Variants in PSMB9 observed in about 807,000 individuals in gnomAD.
PSMB9 encodes proteasome 20S subunit beta 9, also known as proteasome subunit beta type-9.
PSMB9 carries 16 observed loss-of-function variants against 26.9 expected under a neutral mutation model. That is an observed-to-expected ratio of 0.59 (90% confidence interval 0.40 to 0.90). The LOEUF (loss-of-function observed/expected upper bound fraction) is 0.90, where lower values mean the gene tolerates loss of function less well. Among genes scored for constraint, PSMB9 ranks in the 40% least tolerant of loss-of-function variants. The probability of loss-of-function intolerance (pLI) is 0.00; values close to 1 mark genes in which losing one functional copy is unlikely to be tolerated. For synonymous variants in PSMB9, 91 were observed against 112.0 expected, an observed-to-expected ratio of 0.81 and a Z score of 1.18; for missense variants, 253 against 292.2, an observed-to-expected ratio of 0.87 and a Z score of 0.98.
intron 3 of PSMB9, 91 bp downstream of exon 3, chr6:32,857,485 C>T: frequency 7.1e-7 from 1 of 1,398,800 alleles, no homozygotes; most frequent in Non-Finnish European, 9.4e-7. Context: ...AGGAGCTGGA[C>T]ACTGGGAAAT....
At position 32,858,841 on chromosome 6, in the gene PSMB9, C is replaced by A; in HGVS notation, c.532+336C>A. 2.5e-6 allele frequency: 1 copy of A among 400,694 alleles called. No individual in the cohort carries two copies. The highest frequency in any genetic ancestry group is 4.6e-6 in the Non-Finnish European group (1 of 217,754). 24.8% of individuals were successfully genotyped at this position (400,694 alleles called of 1,614,324 possible). A position where few individuals can be genotyped will look rare whatever the true frequency, so the allele number is the denominator to read the frequency against. Reference sequence around the variant, plus strand: ...CTTGAGCCCAGGAGTTTGAGGCCAGCCTAGGCAAGATGGTGAAACCCTGTC... The same window carrying A: ...CTTGAGCCCAGGAGTTTGAGGCCAGACTAGGCAAGATGGTGAAACCCTGTC... On this transcript the variant is annotated intron_variant, in intron 5 of 5. Coordinates refer to ENST00000374859, the MANE Select transcript of PSMB9 (RefSeq NM_002800.5). The surrounding 1 kb of genome is among the most constrained non-coding windows in gnomAD (Gnocchi z 5.2).
chr6:32,858,868 C>T lies in PSMB9; in HGVS notation c.532+363C>T. 1 of 328,840 alleles carries T rather than the reference C, an allele frequency of 3.0e-6. No individual in the cohort carries two copies. 20.4% of individuals were successfully genotyped at this position (328,840 alleles called of 1,614,324 possible). On this transcript the variant is annotated intron_variant, in intron 5 of 5. Coordinates refer to ENST00000374859, the MANE Select transcript of PSMB9 (RefSeq NM_002800.5). This position sits in a 1 kb window ranked among gnomAD's most constrained non-coding sequence, Gnocchi z 5.2. ...TAGGCAAGATGGTGAAACCCTGTCTCCACAAAAAACAATAAAAAAAAGTAA... is the reference window on the plus strand; with the variant it reads ...TAGGCAAGATGGTGAAACCCTGTCTTCACAAAAAACAATAAAAAAAAGTAA...
At position 32,857,182 on chromosome 6, in the gene PSMB9, C is replaced by CA. The variant is rs1771194733; in HGVS notation, c.129-80dup. The stretch of plus-strand genomic sequence containing the variant: ...ATCCACTGCACTCCAGCCTGGGTGA[C>CA]AGAGTGAGACTGTCTCAAAAAAAAA... On this transcript the variant is annotated intron_variant, in intron 2 of 5. Transcript: ENST00000374859. The CA allele has an allele frequency of 5.6e-6, 8 of 1,429,104 alleles. No homozygotes were observed. The Admixed American group carries it at 9.9e-5, about 18-fold the overall frequency. The allele number at this position is 1,429,104 out of a possible 1,614,324, so 88.5% of individuals were successfully genotyped here.
At chr6:32,857,177 G>A in intron 2 of PSMB9, 86 bp from the exon 3 acceptor site, 1 of 1,447,292 alleles carries the variant, frequency 6.9e-7, no homozygotes, top group African/African-American at 1.5e-5. Context: ...CTCCAGCCTG[G>A]GTGACAGAGT....
chr6:32,857,610 T>G lies in PSMB9; in HGVS notation c.260+216T>G, dbSNP rs1454443746. On this transcript the variant is annotated intron_variant, in intron 3 of 5. Coordinates refer to ENST00000374859, the MANE Select transcript of PSMB9 (RefSeq NM_002800.5). ...GTTATTTTGAGAACCACATTCTATA[T>G]GTGAACACAGTTTAAAAGCTGTAAA... 5.4e-6 allele frequency: 3 copies of G among 554,208 alleles called. No homozygotes were observed. The East Asian group carries it at 8.9e-5, about 16-fold the overall frequency. The allele number at this position is 554,208 out of a possible 1,614,324, so 34.3% of individuals were successfully genotyped here. A position where few individuals can be genotyped will look rare whatever the true frequency, so the allele number is the denominator to read the frequency against.
At chr6:32,855,752 G>A (rs1266757454) in intron 1 of PSMB9, among the ~76,000 whole-genome samples, 2 of 151,830 alleles carry the variant, frequency 1.3e-5, no homozygotes, top group Non-Finnish European at 2.9e-5. Flanking sequence ...ACTCTGTGTT[G>A]GGTCTACACC....
At position 32,859,554 on chromosome 6, in the gene PSMB9, C is replaced by T; in HGVS notation, c.*22C>T. 1 of 1,610,628 alleles carries T rather than the reference C, an allele frequency of 6.2e-7. No individual in the cohort carries two copies. Among genetic ancestry groups the T allele is most frequent in the Non-Finnish European group, 8.5e-7 (1 of 1,178,500 alleles). ...GTGAACCTTCCCCAGACTTCTCTTTCTTATTTTGTAATAAACTCTCTAGGG... is the reference window on the plus strand; with the variant it reads ...GTGAACCTTCCCCAGACTTCTCTTTTTTATTTTGTAATAAACTCTCTAGGG... On this transcript the variant is annotated 3_prime_UTR_variant, in exon 6 of 6. Coordinates refer to ENST00000374859, the MANE Select transcript of PSMB9 (RefSeq NM_002800.5).
At position 32,858,900 on chromosome 6, in the gene PSMB9, A is replaced by G; in HGVS notation, c.532+395A>G. On this transcript the variant is annotated intron_variant, in intron 5 of 5. Transcript: ENST00000374859. The surrounding 1 kb of genome is among the most constrained non-coding windows in gnomAD (Gnocchi z 5.2). The stretch of plus-strand genomic sequence containing the variant: ...AAACAATAAAAAAAAGTAAAAAAAA[A>G]AATGAACTGGGCATAGTGGTGCACA... The G allele has an allele frequency of 3.1e-6, 1 of 326,618 alleles. No individual in the cohort carries two copies. Among genetic ancestry groups the G allele is most frequent in the South Asian group, 2.9e-5 (1 of 34,054 alleles). The allele number at this position is 326,618 out of a possible 1,614,324, so 20.2% of individuals were successfully genotyped here. A position where few individuals can be genotyped will look rare whatever the true frequency, so the allele number is the denominator to read the frequency against.
intron 2 of PSMB9, 188 bp from the exon 3 acceptor site, chr6:32,857,075 C>T: frequency 9.9e-6 from 5 of 506,256 alleles, no homozygotes; most frequent in Non-Finnish European, 1.6e-5. Flanking sequence ...TGGTGGGTGC[C>T]TGTAATCCCA....
At chr6:32,856,096 G>A (rs1160399151) in intron 1 of PSMB9, 42 bp from the exon 2 acceptor site, 2 of 1,559,090 alleles carry the variant, frequency 1.3e-6, no homozygotes, top group Non-Finnish European at 1.8e-6. Flanking sequence ...AGGGCATCAA[G>A]GCTGTTCTTG....
At chr6:32,857,162 C>T (rs1241661954) in intron 2 of PSMB9, 101 bp from the exon 3 acceptor site, 5 of 1,367,022 alleles carry the variant, frequency 3.7e-6, no homozygotes, top group East Asian at 2.5e-5. Context: ...GATTGATCCA[C>T]TGCACTCCAG....
At position 32,858,463 on chromosome 6, in the gene PSMB9, C is replaced by T; in HGVS notation, c.490C>T (p.Pro164Ser). The T allele has an allele frequency of 1.2e-6, 2 of 1,612,938 alleles. No homozygotes were observed. The highest frequency in any genetic ancestry group is 8.5e-7 in the Non-Finnish European group (1 of 1,180,016). The change falls in exon 5 of 6, where the codon CCA becomes TCA. Residue 164 changes from proline to serine, a missense_variant. Transcript: ENST00000374859. The surrounding 1 kb of genome is among the most constrained non-coding windows in gnomAD (Gnocchi z 5.2). ...IYGYVDAAYK[P>S]GMSPEECRRF... is the part of the protein sequence containing the mutation. Reference sequence around the variant, plus strand: ...TGGTTATGTGGATGCAGCATATAAGCCAGGCATGTCTCCCGAGGAGTGCAG... The same window carrying T: ...TGGTTATGTGGATGCAGCATATAAGTCAGGCATGTCTCCCGAGGAGTGCAG...
intron 3 of PSMB9, chr6:32,857,774 G>A (rs1771235970): frequency 1.7e-6 from 1 of 584,502 alleles, no homozygotes. Flanking sequence ...CAGGGTCCTT[G>A]CAGCCAAAAG....
Position 32,854,244 on chromosome 6 carries a change from A to G in PSMB9, c.15A>G (p.Gly5=). 2 of 1,541,298 alleles carry G rather than the reference A, an allele frequency of 1.3e-6. No homozygotes were observed. The highest frequency in any genetic ancestry group is 1.7e-6 in the Non-Finnish European group (2 of 1,144,752). MLRA[G]APTGDLPRAG... is the part of the protein sequence containing the mutation. ...GCCTTGCAGGGATGCTGCGGGCGGG[A>G]GCACCAACCGGGGACTTACCCCGGG... is the stretch of plus-strand genomic sequence containing the variant. The change falls in exon 1 of 6, where the codon GGA becomes GGG. Residue 5 remains glycine (G), a synonymous_variant. Coordinates refer to ENST00000374859, the MANE Select transcript of PSMB9 (RefSeq NM_002800.5). This position sits in a 1 kb window ranked among gnomAD's most constrained non-coding sequence, Gnocchi z 4.6.
At position 32,858,278 on chromosome 6, in the gene PSMB9, C is replaced by T. The variant is rs1010216320; in HGVS notation, c.391-86C>T. The T allele has an allele frequency of 3.7e-6, 6 of 1,601,564 alleles. No individual in the cohort carries two copies. The highest frequency in any genetic ancestry group is 4.3e-6 in the Non-Finnish European group (5 of 1,171,868). On this transcript the variant is annotated intron_variant, in intron 4 of 5. Coordinates refer to ENST00000374859, the MANE Select transcript of PSMB9 (RefSeq NM_002800.5). This position sits in a 1 kb window ranked among gnomAD's most constrained non-coding sequence, Gnocchi z 5.2. ...ACTTTGGGGATATGAGATACCAGGG[C>T]TTCATTGCAGGGTGCAGAGACCACT...
In PSMB9 at chr6:32,858,715, C is replaced by G. The variant is rs1771287596; in HGVS notation, c.532+210C>G. On this transcript the variant is annotated intron_variant, in intron 5 of 5. Coordinates refer to ENST00000374859, the MANE Select transcript of PSMB9 (RefSeq NM_002800.5). The surrounding 1 kb of genome is among the most constrained non-coding windows in gnomAD (Gnocchi z 5.2). ...TAAACCAGGGCTGTTCTGAGTAAAT[C>G]AAATGAGGATACACAGTCACTGTGA... 1 of 649,558 alleles carries G rather than the reference C, an allele frequency of 1.5e-6. No homozygotes were observed. The highest frequency in any genetic ancestry group is 1.8e-5 in the South Asian group (1 of 55,218). The allele number at this position is 649,558 out of a possible 1,614,324, so 40.2% of individuals were successfully genotyped here.
intron 1 of PSMB9, among the ~76,000 whole-genome samples, chr6:32,855,693 CAA>C (rs28986263): frequency 4.2e-5 from 6 of 141,822 alleles, no homozygotes; most frequent in Non-Finnish European, 6.2e-5. Context: ...GATTGTGGAC[CAA>C]AAAAAAAAAA....
chr6:32,857,427 A>G (rs1026893423), intron 3 of PSMB9, 33 bp downstream of exon 3: 1 of 1,601,870 alleles, frequency 6.2e-7, no homozygotes, highest in Non-Finnish European at 8.5e-7. Context: ...CTCCCCACCC[A>G]CTAGAGCTCC....
rs1051827542 is a variant in PSMB9, at chr6:32,854,382, G to A, written c.60+93G>A. 3.2e-6 allele frequency: 4 copies of A among 1,240,370 alleles called. No individual in the cohort carries two copies. The African/African-American group carries it at 6.4e-5, about 20-fold the overall frequency. The allele number at this position is 1,240,370 out of a possible 1,614,324, so 76.8% of individuals were successfully genotyped here. ...GCGCGCGCGGAGAAGTGAATGCAGA[G>A]ACCAACGGGAGCGCAGGGAGGTCGC... is the stretch of plus-strand genomic sequence containing the variant. On this transcript the variant is annotated intron_variant, in intron 1 of 5. Coordinates refer to ENST00000374859, the MANE Select transcript of PSMB9 (RefSeq NM_002800.5). The surrounding 1 kb of genome is among the most constrained non-coding windows in gnomAD (Gnocchi z 4.6).
Sources: allele counts gnomAD v4.1 joint callset (sites outside exome capture counted in the v4.1 genomes callset), GRCh38; gene constraint gnomAD v4.1.1; non-coding constraint Gnocchi (gnomAD v3.1); transcripts MANE v1.5; gene names NCBI Gene and HGNC (gene_info 2026-07-23, HGNC 2026-07-21).